The following CSMD1 variants were observed in gnomAD, a reference collection of about 807,000 sequenced individuals.
The protein encoded by CSMD1 is CUB and sushi domain-containing protein 1.
Under a neutral mutation model 417.5 loss-of-function variants are expected in CSMD1, and 213 were observed. The ratio of observed to expected loss-of-function variants is 0.51; its 90% CI spans 0.46 to 0.57. The LOEUF is 0.57. Ranked by LOEUF, CSMD1 falls within the 20% of genes least tolerant of loss-of-function variation. CSMD1 has a pLI of 0.00. For synonymous variants in CSMD1, 2,862 were observed against 1,736.8 expected (o/e 1.65, Z -16.11); for missense variants, 6,923 against 4,529.7 (o/e 1.53, Z -15.17).
intron 5 of CSMD1, among the ~76,000 whole-genome samples, chr8:3,815,505 G>C (rs1027990853): frequency 2.0e-5 from 3 of 151,620 alleles, no homozygotes; most frequent in Admixed American, 1.3e-4. Context: ...ATATGTGTAA[G>C]ACTATGTTTA....
At chr8:3,669,009 A>T in intron 7 of CSMD1, among the ~76,000 whole-genome samples, 1 of 152,286 alleles carries the variant, frequency 6.6e-6, no homozygotes, top group Non-Finnish European at 1.5e-5. Flanking sequence ...GAAATCTTTC[A>T]TTAAACAGAC....
chr8:3,515,320 G>A (rs984112319), intron 10 of CSMD1: 2 of 152,200 alleles, frequency 1.3e-5, no homozygotes, highest in African/African-American at 2.4e-5. Flanking sequence ...ATGCTGGCAT[G>A]CTGTTCCGTG....
chr8:4,462,496 C>A (rs531509038), intron 2 of CSMD1, among the ~76,000 whole-genome samples: 1 of 152,170 alleles, frequency 6.6e-6, no homozygotes, highest in South Asian at 2.1e-4. Flanking sequence ...CAAGCTGATC[C>A]TAAAATGCAT....
rs1439629857 is a variant in CSMD1, at chr8:3,507,877, G to C, written c.1345-14151C>G. Among the ~76,000 whole-genome samples the C allele has an allele frequency of 2.0e-5, 3 of 151,560 alleles. No homozygotes were observed. The Admixed American group carries it at 2.0e-4, about 10-fold the overall frequency. On this transcript the variant is annotated intron_variant, in intron 10 of 69. Transcript: ENST00000635120. ...TGTTTGTTTTTTTTCTTGCAAATTT[G>C]TTTGAGTTCATTGTAGATTCTGGAT...
At chr8:3,676,261 T>C (rs972410154) in intron 7 of CSMD1, among the ~76,000 whole-genome samples, 7 of 152,164 alleles carry the variant, frequency 4.6e-5, no homozygotes, top group African/African-American at 1.2e-4. Context: ...TTTTGATCCC[T>C]GGCCCTAAGT....
intron 7 of CSMD1, among the ~76,000 whole-genome samples, chr8:3,634,226 C>T (rs577032460): frequency 1.3e-5 from 2 of 152,138 alleles, no homozygotes; most frequent in East Asian, 1.9e-4. Flanking sequence ...TATGTGTTCA[C>T]GTGATTAATG....
chr8:3,480,462 AT>A (rs760122346), intron 11 of CSMD1, among the ~76,000 whole-genome samples: 2 of 152,186 alleles, frequency 1.3e-5, no homozygotes, highest in African/African-American at 4.8e-5. Context: ...GAATCCAACT[AT>A]TTTTTATCAT....
intron 3 of CSMD1, among the ~76,000 whole-genome samples, chr8:4,034,861 G>A (rs1003692808): frequency 2.0e-5 from 3 of 152,106 alleles, no homozygotes; most frequent in Non-Finnish European, 4.4e-5. Flanking sequence ...CAAAGACACG[G>A]TTATCAATGG....
intron 1 of CSMD1, among the ~76,000 whole-genome samples, chr8:4,937,785 C>T (rs1807722378): frequency 1.1e-5 from 1 of 88,614 alleles, no homozygotes; most frequent in East Asian, 5.3e-4. Flanking sequence ...GTGGCGCGTG[C>T]ACACACACAC....
intron 10 of CSMD1, among the ~76,000 whole-genome samples, chr8:3,515,811 C>T (rs1193947157): frequency 6.6e-6 from 1 of 152,162 alleles, no homozygotes; most frequent in Non-Finnish European, 1.5e-5. Context: ...TGACACTGGG[C>T]AATGGAATTG....
intron 5 of CSMD1, among the ~76,000 whole-genome samples, chr8:3,825,733 A>C (rs1261154148): frequency 1.3e-5 from 2 of 152,186 alleles, no homozygotes; most frequent in African/African-American, 2.4e-5. Flanking sequence ...CCACTGAAGC[A>C]ACAAGGAGGC....
chr8:4,511,582 C>T (rs888532769), intron 2 of CSMD1, among the ~76,000 whole-genome samples: 16 of 152,222 alleles, frequency 1.1e-4, no homozygotes, highest in Middle Eastern at 3.4e-3. Context: ...GGTCATAGGA[C>T]AATTTGCTGC....
rs1801551478 is a variant in CSMD1, at chr8:2,937,388, G to GTA, written c.*1195_*1196dup. 7.0e-6 allele frequency: 1 copy of GTA among 143,628 alleles called. No homozygotes were observed. Among genetic ancestry groups the GTA allele is most frequent in the Non-Finnish European group, 1.5e-5 (1 of 66,620 alleles). The allele number at this position is 143,628 out of a possible 1,614,324, so 8.9% of individuals were successfully genotyped here. On this transcript the variant is annotated 3_prime_UTR_variant, in exon 70 of 70. Coordinates refer to ENST00000635120, the MANE Select transcript of CSMD1 (RefSeq NM_033225.6). ...TCACTGAGTTCAAGGTGCTACTGTG[G>GTA]TATATTGTCTTTCAATGCAATATCA...
intron 3 of CSMD1, among the ~76,000 whole-genome samples, chr8:4,244,755 T>G (rs894658508): frequency 6.6e-6 from 1 of 152,290 alleles, no homozygotes; most frequent in East Asian, 1.9e-4. Context: ...GTGAAGAGTT[T>G]TGCTACTTAA....
At chr8:4,274,166 C>T (rs976778506) in intron 3 of CSMD1, among the ~76,000 whole-genome samples, 12 of 151,906 alleles carry the variant, frequency 7.9e-5, no homozygotes, top group African/African-American at 2.9e-4. Flanking sequence ...TATTTTTTTG[C>T]AAAGTTAAAT....
At chr8:4,938,551 A>G (rs1156660440) in intron 1 of CSMD1, among the ~76,000 whole-genome samples, 3 of 152,226 alleles carry the variant, frequency 2.0e-5, no homozygotes, top group African/African-American at 7.2e-5. Context: ...TGACAGGGAT[A>G]TTCCCTGCCC....
At position 4,193,410 on chromosome 8, in the gene CSMD1, C is replaced by A. The variant is rs533318716; in HGVS notation, c.416-161311G>T. ...AATGAATATTCCTGGGCTTCCAAGTCTGTTTGCTTCTCTGTTCACATCCAG... is the reference window on the plus strand; with the variant it reads ...AATGAATATTCCTGGGCTTCCAAGTATGTTTGCTTCTCTGTTCACATCCAG... On this transcript the variant is annotated intron_variant, in intron 3 of 69. Transcript: ENST00000635120. Among the ~76,000 whole-genome samples, 71 of 151,888 alleles carry A rather than the reference C, an allele frequency of 4.7e-4. 1 individual carries two copies. The Middle Eastern group carries it at 0.01, about 22-fold the overall frequency.
intron 3 of CSMD1, among the ~76,000 whole-genome samples, chr8:4,325,730 C>A (rs1563057357): frequency 6.6e-6 from 1 of 152,146 alleles, no homozygotes; most frequent in Non-Finnish European, 1.5e-5. Flanking sequence ...GAATCCAACA[C>A]TGAGAAGGCG....
chr8:3,767,675 T>C (rs1328204586), intron 5 of CSMD1, among the ~76,000 whole-genome samples: 1 of 152,198 alleles, frequency 6.6e-6, no homozygotes, highest in African/African-American at 2.4e-5. Flanking sequence ...ATACAAGTAA[T>C]ACCTATATAT....
Sources: gnomAD v4.1 joint callset for allele counts (sites outside exome capture counted in the v4.1 genomes callset) on GRCh38, gnomAD v4.1.1 for gene constraint, MANE v1.5 for transcripts, NCBI Gene and HGNC (gene_info 2026-07-23, HGNC 2026-07-21) for gene names.